ASB14: variants seen among roughly 807,000 people sequenced by gnomAD.
The protein encoded by ASB14 is ankyrin repeat and SOCS box protein 14.
ASB14 carries 63 observed loss-of-function variants against 55.6 expected under a neutral mutation model. The observed-to-expected ratio is 1.13, with a 90% confidence interval of 0.92 to 1.40. ASB14 has a LOEUF of 1.40. Among genes scored for constraint, ASB14 ranks in the 40% most tolerant of loss-of-function variants. ASB14 has a pLI of 0.00. For missense variants in ASB14, 724 were observed against 710.4 expected (o/e 1.02, Z -0.22); for synonymous variants, 256 against 259.9 (o/e 0.98, Z 0.15).
intron 5 of ASB14, among the ~76,000 whole-genome samples, 181 bp from the exon 6 acceptor site, chr3:57,283,620 T>C (rs1477867411): frequency 6.6e-6 from 1 of 152,228 alleles, no homozygotes; most frequent in Non-Finnish European, 1.5e-5. Flanking sequence ...TTACTGAGAA[T>C]GTTTTACATC....
In ASB14 at chr3:57,280,474, C is replaced by G. The variant is rs555952121; in HGVS notation, c.736-21G>C. On this transcript the variant is annotated intron_variant, in intron 7 of 11. Transcript: ENST00000389601. ...GAGGCCTGACCATGAGCATTAGCTC[C>G]TAAGAGGAGAAAGACTCTTGTTAAT... The G allele has an allele frequency of 6.5e-7, 1 of 1,547,084 alleles. No homozygotes were observed. Among genetic ancestry groups the G allele is most frequent in the African/African-American group, 1.4e-5 (1 of 73,012 alleles).
chr3:57,275,977 T>G (rs1406184439), intron 10 of ASB14, among the ~76,000 whole-genome samples: 1 of 152,188 alleles, frequency 6.6e-6, no homozygotes, highest in African/African-American at 2.4e-5. Flanking sequence ...TACAGTATGT[T>G]TAGGGTTCTG....
At chr3:57,291,811 G>T in intron 2 of ASB14, 101 bp downstream of exon 2, 1 of 1,022,152 alleles carries the variant, frequency 9.8e-7, no homozygotes, top group Non-Finnish European at 1.4e-6. Context: ...CTTGGATTCT[G>T]ACCCTCCTGT....
At chr3:57,274,935 G>A (rs1480734540) in intron 10 of ASB14, among the ~76,000 whole-genome samples, 1 of 152,150 alleles carries the variant, frequency 6.6e-6, no homozygotes, top group East Asian at 1.9e-4. Context: ...AATTTCAATT[G>A]AGGGTTCTAT....
chr3:57,271,185 G>GCAT (rs2060936301), intron 10 of ASB14: 1 of 151,822 alleles, frequency 6.6e-6, no homozygotes, highest in African/African-American at 2.4e-5. Flanking sequence ...ATTAGAAATG[G>GCAT]CATCTGTTTT....
chr3:57,279,807 A>G (rs1379728670), intron 7 of ASB14, among the ~76,000 whole-genome samples: 3 of 152,124 alleles, frequency 2.0e-5, no homozygotes, highest in Non-Finnish European at 4.4e-5. Context: ...ATTCTCTCAG[A>G]GTAGGTTACA....
intron 10 of ASB14, among the ~76,000 whole-genome samples, chr3:57,275,019 G>C (rs965351713): frequency 1.3e-5 from 2 of 152,140 alleles, no homozygotes; most frequent in African/African-American, 4.8e-5. Flanking sequence ...AGCTGGTATT[G>C]GGACTTTCCC....
chr3:57,292,472 A>G (rs1559526547), intron 1 of ASB14, among the ~76,000 whole-genome samples, 161 bp downstream of exon 1: 1 of 152,234 alleles, frequency 6.6e-6, no homozygotes, highest in Non-Finnish European at 1.5e-5. Context: ...ATACATTAAA[A>G]ATAAACATGT....
Position 57,283,473 on chromosome 3 carries a change from C to T in ASB14, c.470-34G>A, listed in dbSNP as rs148158006. On this transcript the variant is annotated intron_variant, in intron 5 of 10. Coordinates refer to ENST00000487349, the MANE Select transcript of ASB14 (RefSeq NM_001142733.3). ...TGAGAAGTGTGGTGGGCATGTTCAA[C>T]GGGAAGTTAAGCCCAAAGTAGCATA... 2.8e-3 allele frequency: 4,263 copies of T among 1,541,580 alleles called. 13 individuals are homozygous for T. The highest frequency in any genetic ancestry group is 3.4e-3 in the Non-Finnish European group (3,905 of 1,141,194).
At position 57,269,351 on chromosome 3, in the gene ASB14, T is replaced by G; in HGVS notation, c.*290A>C. 1 of 510,936 alleles carries G rather than the reference T, an allele frequency of 2.0e-6. No individual in the cohort carries two copies. The highest frequency in any genetic ancestry group is 3.4e-6 in the Non-Finnish European group (1 of 295,324). 31.7% of individuals were successfully genotyped at this position (510,936 alleles called of 1,614,324 possible). ...AGATTTTAGTTTGAATGCTGGCTTT[T>G]ATAGGATGGTGCCAAAATTCATTTT... is the stretch of plus-strand genomic sequence containing the variant. On this transcript the variant is annotated 3_prime_UTR_variant, in exon 11 of 11. Coordinates refer to ENST00000487349, the MANE Select transcript of ASB14 (RefSeq NM_001142733.3).
chr3:57,275,911 C>CATAT (rs1234873922), intron 10 of ASB14, among the ~76,000 whole-genome samples: 6 of 152,112 alleles, frequency 3.9e-5, no homozygotes, highest in Non-Finnish European at 8.8e-5. Context: ...ACCACCATTA[C>CATAT]ATATGTAGTC....
chr3:57,286,780 A>G (rs1483371262), intron 5 of ASB14, among the ~76,000 whole-genome samples: 1 of 152,176 alleles, frequency 6.6e-6, no homozygotes, highest in African/African-American at 2.4e-5. Flanking sequence ...CATTTTAGGA[A>G]ATCATTTTCT....
intron 6 of ASB14, among the ~76,000 whole-genome samples, chr3:57,282,409 C>A (rs1052891026): frequency 4.6e-5 from 7 of 152,058 alleles, no homozygotes; most frequent in Non-Finnish European, 8.8e-5. Flanking sequence ...TTAGATTGAT[C>A]CTACCTTGCT....
At position 57,278,643 on chromosome 3, in the gene ASB14, A is replaced by G. The variant is rs1366923332; in HGVS notation, c.1165T>C (p.Cys389Arg). ...GALPNQDPVNCLQIALRMGNY... is the reference protein window; with the variant it reads ...GALPNQDPVNRLQIALRMGNY... ...CCCATCCTGAGGGCTATCTGGAGGC[A>G]GTTAACCGGGTCTTGATTAGGCAGA... Residue 389 changes from cysteine (C) to arginine (R), a missense_variant, in exon 8 of 11, where the codon TGC (cysteine) becomes CGC (arginine). Transcript: ENST00000487349. 7 of 1,614,232 alleles carry G rather than the reference A, an allele frequency of 4.3e-6. No individual in the cohort carries two copies. Among genetic ancestry groups the G allele is most frequent in the Non-Finnish European group, 5.9e-6 (7 of 1,180,042 alleles).
At chr3:57,280,163 CAAAAAAAAAA>C (rs138493152) in intron 7 of ASB14, 129 bp downstream of exon 7, 10 of 215,858 alleles carry the variant, frequency 4.6e-5, no homozygotes, top group Non-Finnish European at 7.4e-5. Context: ...GACAGCATCT[CAAAAAAAAAA>C]AAAAAAAAAA....
chr3:57,287,849 A>G, intron 5 of ASB14, 52 bp downstream of exon 5: 2 of 1,515,426 alleles, frequency 1.3e-6, no homozygotes, highest in Non-Finnish European at 8.8e-7. Flanking sequence ...ACCTGGGGGC[A>G]TGAAGGAGAC....
chr3:57,278,322 T>A, intron 8 of ASB14, 55 bp downstream of exon 8: 1 of 1,451,216 alleles, frequency 6.9e-7, no homozygotes, highest in East Asian at 2.3e-5. Context: ...ATTGCCATAG[T>A]TCCAGGGCCA....
In ASB14 at chr3:57,283,329, C is replaced by G; in HGVS notation, c.580G>C (p.Gly194Arg). The G allele has an allele frequency of 6.4e-7, 1 of 1,551,802 alleles. No individual in the cohort carries two copies. Among genetic ancestry groups the G allele is most frequent in the Non-Finnish European group, 8.7e-7 (1 of 1,147,040 alleles). The change falls in exon 6 of 11, where the codon GGC becomes CGC. Residue 194 changes from glycine (G) to arginine (R), a missense_variant. By Grantham distance (125) the Gly-to-Arg change is moderately radical. Coordinates refer to ENST00000487349, the MANE Select transcript of ASB14 (RefSeq NM_001142733.3). The stretch of plus-strand genomic sequence containing the variant: ...ATAAGCTTCACCATGTCCTCTCTGC[C>G]CAGTTTGGCTGCTTCGTGGAGAGCT... ...RTALHEAAKL[G>R]REDMVKLMLV... is the part of the protein sequence containing the mutation.
intron 7 of ASB14, among the ~76,000 whole-genome samples, chr3:57,279,453 C>T (rs1317249842): frequency 6.6e-6 from 1 of 151,632 alleles, no homozygotes; most frequent in Non-Finnish European, 1.5e-5. Context: ...GTAATCCCAG[C>T]ACTTTGGGAG....
Sources: allele counts gnomAD v4.1 joint callset (sites outside exome capture counted in the v4.1 genomes callset), GRCh38; gene constraint gnomAD v4.1.1; transcripts MANE v1.5; gene names NCBI Gene and HGNC (gene_info 2026-07-23, HGNC 2026-07-21).